The following SDK1 variants were observed in gnomAD, a reference collection of about 807,000 sequenced individuals.
SDK1 encodes protein sidekick-1.
SDK1 carries 157 observed loss-of-function variants against 245.5 expected under a neutral mutation model. That is an observed-to-expected ratio of 0.64 (90% confidence interval 0.56 to 0.73). The LOEUF is 0.73. Among genes scored for constraint, SDK1 ranks in the 30% least tolerant of loss-of-function variants. The pLI is 0.00. For missense variants in SDK1, 3,583 were observed against 3,002.3 expected, an observed-to-expected ratio of 1.19 and a Z score of -4.52; for synonymous variants, 1,647 against 1,278.5, an observed-to-expected ratio of 1.29 and a Z score of -6.15.
At chr7:3,508,343 T>TTTTTTG (rs1782464768) in intron 1 of SDK1, among the ~76,000 whole-genome samples, 1 of 145,728 alleles carries the variant, frequency 6.9e-6, no homozygotes. Context: ...TTTTTTTTTT[T>TTTTTTG]GAGACAGAAT....
rs560359504 is a variant in SDK1 at position 3,925,849 on chromosome 7, C to T, written c.848-25074C>T. On this transcript the variant is annotated intron_variant, in intron 5 of 44. Coordinates refer to ENST00000404826, the MANE Select transcript of SDK1 (RefSeq NM_152744.4). The stretch of plus-strand genomic sequence containing the variant: ...AAAAACATAGGGTCAGCCATTGGCA[C>T]TCCCCCTTTTCCCATTGATGAAACG... Among the ~76,000 whole-genome samples the T allele has an allele frequency of 1.1e-4, 16 of 152,330 alleles. No homozygotes were observed. The South Asian group carries it at 3.3e-3, about 32-fold the overall frequency.
rs375217374 is a variant in SDK1 at position 4,158,541 on chromosome 7, G to A, written c.4719G>A (p.Thr1573=). 56 of 1,612,546 alleles carry A rather than the reference G, an allele frequency of 3.5e-5. No individual in the cohort carries two copies. Among genetic ancestry groups the A allele is most frequent in the African/African-American group, 2.5e-4 (19 of 75,032 alleles). ...GTTCAGAGACAGAGGCGGTGACCACGCTGCAGGATGGTGAGCAACCCGGGG... is the reference window on the plus strand; with the variant it reads ...GTTCAGAGACAGAGGCGGTGACCACACTGCAGGATGGTGAGCAACCCGGGG... The part of the protein sequence containing the change: ...DFSSETEAVT[T]LQDVPGEPPG... The change falls in exon 31 of 45, where the codon ACG becomes ACA. Residue 1573 remains threonine, a synonymous_variant. Transcript: ENST00000404826.
intron 4 of SDK1, among the ~76,000 whole-genome samples, chr7:3,691,730 G>C (rs763519718): frequency 2.6e-5 from 4 of 152,122 alleles, no homozygotes; most frequent in Admixed American, 6.5e-5. Flanking sequence ...AGGTGTGAAT[G>C]CGTAGAAGTC....
intron 41 of SDK1, among the ~76,000 whole-genome samples, chr7:4,234,753 A>T (rs536083212): frequency 8.5e-5 from 13 of 152,172 alleles, no homozygotes; most frequent in African/African-American, 3.1e-4. Context: ...TTACCCCGCG[A>T]TGATTCTATC....
At chr7:3,488,652 A>G (rs1300423505) in intron 1 of SDK1, among the ~76,000 whole-genome samples, 1 of 152,202 alleles carries the variant, frequency 6.6e-6, no homozygotes, top group Non-Finnish European at 1.5e-5. Context: ...TGAAAAACCA[A>G]CTGAAAATGG....
At chr7:3,571,463 C>G (rs948576335) in intron 1 of SDK1, among the ~76,000 whole-genome samples, 1 of 152,050 alleles carries the variant, frequency 6.6e-6, no homozygotes, top group South Asian at 2.1e-4. Flanking sequence ...CCACCATGCC[C>G]AGCTAATTTA....
Position 4,062,802 on chromosome 7 carries a change from T to C in SDK1, c.2912-5036T>C, listed in dbSNP as rs576385449. On this transcript the variant is annotated intron_variant, in intron 19 of 44. Transcript: ENST00000404826. ...CCAGGGATGCAAGGATGGTTCAACA[T>C]ATACATATCCATAAATGTGATACAT... Among the ~76,000 whole-genome samples the C allele has an allele frequency of 4.6e-5, 7 of 152,300 alleles. No homozygotes were observed. In the East Asian group the frequency reaches 1.3e-3, roughly 29 times the overall value.
At chr7:4,189,787 C>T (rs1287045410) in intron 35 of SDK1, among the ~76,000 whole-genome samples, 8 of 152,194 alleles carry the variant, frequency 5.3e-5, no homozygotes, top group Non-Finnish European at 1.0e-4. Context: ...GAGACTCCGT[C>T]TCAAAAAATA....
At chr7:3,682,466 T>A (rs1404964194) in intron 4 of SDK1, among the ~76,000 whole-genome samples, 1 of 7,966 alleles carries the variant, frequency 1.3e-4, no homozygotes, top group Non-Finnish European at 3.7e-4. Context: ...ACAAAGCTAA[T>A]GGCAGCGTTC....
chr7:3,769,836 G>A (rs111334413), intron 4 of SDK1, among the ~76,000 whole-genome samples: 1,826 of 151,920 alleles, frequency 0.012, 35 homozygotes, highest in African/African-American at 0.042. Context: ...CAGTCCTGGG[G>A]TCCCTAGCCA....
intron 4 of SDK1, among the ~76,000 whole-genome samples, chr7:3,730,242 A>G (rs886319120): frequency 2.0e-5 from 3 of 152,172 alleles, no homozygotes; most frequent in African/African-American, 7.2e-5. Context: ...CCTCACATAC[A>G]GTGCCCACTT....
intron 1 of SDK1, among the ~76,000 whole-genome samples, chr7:3,542,434 G>C (rs1779079408): frequency 6.6e-6 from 1 of 152,088 alleles, no homozygotes; most frequent in South Asian, 2.1e-4. Context: ...TTTCTCCCAG[G>C]CTCCTGGGCT....
intron 5 of SDK1, among the ~76,000 whole-genome samples, chr7:3,861,346 G>T (rs1001662353): frequency 2.0e-5 from 3 of 152,118 alleles, no homozygotes; most frequent in Admixed American, 2.0e-4. Flanking sequence ...AGCAAAATTC[G>T]CTTGTAGTTC....
chr7:3,405,585 T>G (rs1779029220), intron 1 of SDK1, among the ~76,000 whole-genome samples: 1 of 152,170 alleles, frequency 6.6e-6, no homozygotes, highest in African/African-American at 2.4e-5. Context: ...GCTTTTGGGT[T>G]TACCCCATGC....
chr7:3,814,198 C>A lies in SDK1; in HGVS notation c.714-7252C>A, dbSNP rs1317031962. On this transcript the variant is annotated intron_variant, in intron 4 of 44. Transcript: ENST00000404826. The stretch of plus-strand genomic sequence containing the variant: ...ATAAAGTCCTTGCCCATGCCTATGT[C>A]CTGAATGGTAATGCCTAGGTTATCT... Among the ~76,000 whole-genome samples the A allele has an allele frequency of 2.0e-5, 3 of 151,540 alleles. No homozygotes were observed. The East Asian group carries it at 5.8e-4, about 29-fold the overall frequency.
At position 4,017,299 on chromosome 7, in the gene SDK1, G is replaced by A. The variant is rs1203813247; in HGVS notation, c.2549G>A (p.Gly850Glu). 2 of 1,613,938 alleles carry A rather than the reference G, an allele frequency of 1.2e-6. No homozygotes were observed. Among genetic ancestry groups the A allele is most frequent in the Non-Finnish European group, 1.7e-6 (2 of 1,179,904 alleles). Reference sequence around the variant, plus strand: ...GAGATACAGGTGGCGGCGTACAACGGGGCCGGTCTGGGCGTCTTCAGCAGG... The same window carrying A: ...GAGATACAGGTGGCGGCGTACAACGAGGCCGGTCTGGGCGTCTTCAGCAGG... ...QYEIQVAAYN[G>E]AGLGVFSRAV... Residue 850 changes from glycine to glutamate, a missense_variant, in exon 17 of 45, where the codon GGG becomes GAG. Physicochemically the swap from Gly to Glu is moderately conservative, Grantham distance 98. Transcript: ENST00000404826.
chr7:4,081,526 TC>T (rs11358525), intron 22 of SDK1, among the ~76,000 whole-genome samples: 54,756 of 151,574 alleles, frequency 0.36, 13,344 homozygotes, highest in African/African-American at 0.7. Context: ...TTCAAGTGAT[TC>T]CCCCTGCCTC....
intron 1 of SDK1, among the ~76,000 whole-genome samples, chr7:3,573,938 A>G (rs1410545014): frequency 6.6e-6 from 1 of 151,974 alleles, no homozygotes; most frequent in African/African-American, 2.4e-5. Flanking sequence ...CATCAATTCT[A>G]CATGCATTTA....
At chr7:3,690,548 C>T (rs1216239953) in intron 4 of SDK1, among the ~76,000 whole-genome samples, 1 of 151,998 alleles carries the variant, frequency 6.6e-6, no homozygotes, top group East Asian at 1.9e-4. Flanking sequence ...TAAAGAGAAA[C>T]CCAATAAATC....
Sources: gnomAD v4.1 joint callset for allele counts (sites outside exome capture counted in the v4.1 genomes callset) on GRCh38, gnomAD v4.1.1 for gene constraint, MANE v1.5 for transcripts, NCBI Gene and HGNC (gene_info 2026-07-23, HGNC 2026-07-21) for gene names.